IFT122: variants seen among roughly 807,000 people sequenced by gnomAD.
The protein encoded by IFT122 is intraflagellar transport 122.
A neutral mutation model predicts 161.6 loss-of-function variants in IFT122; 118 were observed. The observed-to-expected ratio is 0.73, with a 90% CI of 0.63 to 0.85. The LOEUF is 0.85. Among genes scored for constraint, IFT122 ranks in the 40% least tolerant of loss-of-function variants. IFT122 has a pLI of 0.00. For missense variants in IFT122, 1,381 were observed against 1,579.6 expected, an observed-to-expected ratio of 0.87 and a Z score of 2.13; for synonymous variants, 550 against 602.4, an observed-to-expected ratio of 0.91 and a Z score of 1.27.
chr3:129,450,024 T>A, intron 2 of IFT122, 87 bp downstream of exon 2: 1 of 908,628 alleles, frequency 1.1e-6, no homozygotes, highest in Non-Finnish European at 1.8e-6. Flanking sequence ...TTTTTTTTTT[T>A]TTGAGATTAA....
At chr3:129,496,136 C>T (rs978021402) in intron 18 of IFT122, among the ~76,000 whole-genome samples, 2 of 152,162 alleles carry the variant, frequency 1.3e-5, no homozygotes, top group Non-Finnish European at 2.9e-5. Context: ...CTCACGCCTG[C>T]CGGCTGCAGA....
intron 6 of IFT122, among the ~76,000 whole-genome samples, chr3:129,464,092 A>G (rs1278260973): frequency 6.6e-6 from 1 of 152,208 alleles, no homozygotes; most frequent in Non-Finnish European, 1.5e-5. Flanking sequence ...ACTTGACGAG[A>G]TTGTTGTGAA....
chr3:129,464,733 CG>C lies in IFT122; in HGVS notation c.521del (p.Gly174AlafsTer22), dbSNP rs751753419. On this transcript the variant is annotated frameshift_variant, in exon 7 of 30. Coordinates refer to ENST00000348417, the MANE Select transcript of IFT122 (RefSeq NM_052989.3). LOFTEE classifies it high-confidence loss of function. ...GAGGAGAAAGTAAAGATCGAGCGGC[CG>C]GGGGGCTCCCTCTCGCCAATATGGT... ...NGEEKVKIERPGGSLSPIWSI... is the reference protein window; with the variant it reads ...NGEEKVKIERXGGSLSPIWSI... 2 of 1,613,868 alleles carry C rather than the reference CG, an allele frequency of 1.2e-6. No individual in the cohort carries two copies. The highest frequency in any genetic ancestry group is 1.7e-5 in the Admixed American group (1 of 59,998).
chr3:129,488,880 G>C (rs569064034), intron 16 of IFT122, among the ~76,000 whole-genome samples: 61 of 152,242 alleles, frequency 4.0e-4, no homozygotes, highest in Non-Finnish European at 1.0e-4. Context: ...GATTCTGACA[G>C]CAATGTGGGC....
At chr3:129,440,831 C>G (rs1030656273) in intron 1 of IFT122, among the ~76,000 whole-genome samples, 3 of 152,188 alleles carry the variant, frequency 2.0e-5, no homozygotes, top group African/African-American at 7.2e-5. Context: ...GTCACTTGCT[C>G]TAAATGTTAA....
At chr3:129,472,125 A>G (rs1213588987) in intron 9 of IFT122, among the ~76,000 whole-genome samples, 2 of 152,166 alleles carry the variant, frequency 1.3e-5, no homozygotes, top group African/African-American at 4.8e-5. Context: ...TGACCATTCA[A>G]AAGTTGTATT....
chr3:129,452,846 G>C (rs1037851622), intron 3 of IFT122, among the ~76,000 whole-genome samples: 8 of 119,322 alleles, frequency 6.7e-5, no homozygotes, highest in East Asian at 1.9e-4. Context: ...ATCCAGACAG[G>C]GGGTGATGGT....
chr3:129,447,990 G>GT (rs1292692837), intron 1 of IFT122, among the ~76,000 whole-genome samples: 1 of 152,070 alleles, frequency 6.6e-6, no homozygotes, highest in Non-Finnish European at 1.5e-5. Context: ...TTTTATTTTT[G>GT]TTTTACACTT....
In IFT122 at chr3:129,464,662, G is replaced by A. The variant is rs772967589; in HGVS notation, c.444G>A (p.Ala148=). 5.0e-6 allele frequency: 8 copies of A among 1,614,020 alleles called. No individual in the cohort carries two copies. The highest frequency in any genetic ancestry group is 1.1e-5 in the South Asian group (1 of 91,076). The change falls in exon 7 of 30, where the codon GCG becomes GCA. Residue 148 remains alanine, a synonymous_variant. Transcript: ENST00000348417. ...CSWTNDGQYL[A]LGMFNGIISI... ...GGACAAATGATGGTCAGTACCTGGCGCTGGGGATGTTCAATGGGATCATCA... is the reference window on the plus strand; with the variant it reads ...GGACAAATGATGGTCAGTACCTGGCACTGGGGATGTTCAATGGGATCATCA...
chr3:129,451,408 C>T (rs1344519087), intron 2 of IFT122, among the ~76,000 whole-genome samples: 1 of 152,158 alleles, frequency 6.6e-6, no homozygotes, highest in Admixed American at 6.5e-5. Context: ...CAGGAGTGAG[C>T]TACCATGCCT....
intron 14 of IFT122, among the ~76,000 whole-genome samples, chr3:129,482,316 T>C (rs970613538): frequency 6.6e-6 from 1 of 152,240 alleles, no homozygotes; most frequent in African/African-American, 2.4e-5. Context: ...CCGGCAGCTC[T>C]GTGCCCCGGG....
chr3:129,459,549 G>T (rs1472903127), intron 4 of IFT122: 2 of 225,028 alleles, frequency 8.9e-6, no homozygotes, highest in South Asian at 4.3e-5. Context: ...TCTCACTCTT[G>T]TGTCCCTGAT....
chr3:129,465,729 G>T (rs1431048369), intron 7 of IFT122, among the ~76,000 whole-genome samples: 5 of 125,810 alleles, frequency 4.0e-5, no homozygotes, highest in Non-Finnish European at 6.2e-5. Flanking sequence ...TGCAAGCTCC[G>T]CTTCCCGGGT....
rs1406573651 is a variant in IFT122, at chr3:129,517,590, C to T, written c.3387C>T (p.Asn1129=). 3 of 1,613,282 alleles carry T rather than the reference C, an allele frequency of 1.9e-6. No homozygotes were observed. Among genetic ancestry groups the T allele is most frequent in the East Asian group, 2.2e-5 (1 of 44,826 alleles). ...KRDDRQLEIA[N]NSSQILRLVE... ...ATGACAGACAGCTAGAGATTGCAAACAACAGTATCCATGCCCTTGGCCAGA... is the reference window on the plus strand; with the variant it reads ...ATGACAGACAGCTAGAGATTGCAAATAACAGTATCCATGCCCTTGGCCAGA... Residue 1129 remains asparagine (N), a synonymous_variant, in exon 27 of 30, where the codon AAC becomes AAT. Transcript: ENST00000348417.
intron 7 of IFT122, 27 bp from the exon 8 acceptor site, chr3:129,466,863 T>C: frequency 6.2e-7 from 1 of 1,608,920 alleles, no homozygotes. Context: ...GGCAATGTAA[T>C]TTTGAACAAC....
In IFT122 at chr3:129,517,450, C is replaced by T. The variant is rs201753855; in HGVS notation, c.3266-19C>T. On this transcript the variant is annotated intron_variant, in intron 26 of 29. Coordinates refer to ENST00000348417, the MANE Select transcript of IFT122 (RefSeq NM_052989.3). Reference sequence around the variant, plus strand: ...TGCAAGGCCTCCAGCCCCCTCAGCCCTTTCTCTATGCCCTCCAGACGTGCT... The same window carrying T: ...TGCAAGGCCTCCAGCCCCCTCAGCCTTTTCTCTATGCCCTCCAGACGTGCT... 862 of 1,612,644 alleles carry T rather than the reference C, an allele frequency of 5.3e-4. No homozygotes were observed. Among genetic ancestry groups the T allele is most frequent in the Non-Finnish European group, 7.0e-4 (826 of 1,179,208 alleles).
At chr3:129,511,119 G>T (rs777167077) in intron 23 of IFT122, among the ~76,000 whole-genome samples, 9 of 152,222 alleles carry the variant, frequency 5.9e-5, no homozygotes, top group Non-Finnish European at 1.2e-4. Flanking sequence ...CTGATTCAGG[G>T]CAAGACTGGA....
chr3:129,478,053 C>T lies in IFT122; in HGVS notation c.1185C>T (p.Ala395=). The T allele has an allele frequency of 6.2e-7, 1 of 1,614,152 alleles. No individual in the cohort carries two copies. Residue 395 remains alanine, a synonymous_variant, in exon 12 of 30, where the codon GCC becomes GCT. Coordinates refer to ENST00000348417, the MANE Select transcript of IFT122 (RefSeq NM_052989.3). The part of the protein sequence containing the change: ...IKCKELVKKI[A]IYRNRLAIQL... ...GCAAAGAGCTTGTCAAGAAGATTGC[C>T]ATCTACAGAAATCGATTGGCTATCC... is the stretch of plus-strand genomic sequence containing the variant.
Position 129,463,618 on chromosome 3 carries a change from C to T in IFT122, c.408C>T (p.Ile136=). Reference sequence around the variant, plus strand: ...AACACAAATCAAGCAGCAAGATCATCTGCTGCAGGTAAGTGCAGCTCTGAC... The same window carrying T: ...AACACAAATCAAGCAGCAAGATCATTTGCTGCAGGTAAGTGCAGCTCTGAC... ...VSKHKSSSKI[I]CCSWTNDGQY... The change falls in exon 6 of 30, where the codon ATC becomes ATT. Residue 136 remains isoleucine, a synonymous_variant. Coordinates refer to ENST00000348417, the MANE Select transcript of IFT122 (RefSeq NM_052989.3). 1 of 1,612,642 alleles carries T rather than the reference C, an allele frequency of 6.2e-7. No homozygotes were observed. Among genetic ancestry groups the T allele is most frequent in the Non-Finnish European group, 8.5e-7 (1 of 1,178,744 alleles).
Sources: gnomAD v4.1 joint callset for allele counts (sites outside exome capture counted in the v4.1 genomes callset) on GRCh38, gnomAD v4.1.1 for gene constraint, MANE v1.5 for transcripts, NCBI Gene and HGNC (gene_info 2026-07-23, HGNC 2026-07-21) for gene names.